ZZEF1: variants seen among roughly 807,000 people sequenced by gnomAD.
The protein encoded by ZZEF1 is zinc finger ZZ-type and EF-hand domain-containing protein 1.
Under a neutral mutation model 342.8 loss-of-function variants are expected in ZZEF1, and 157 were observed. That is an observed-to-expected ratio of 0.46 (90% CI 0.40 to 0.52). ZZEF1 has a LOEUF of 0.52. ZZEF1 is among the 20% of genes least tolerant of loss of function. The pLI is 0.00. For synonymous variants in ZZEF1, 1,505 were observed against 1,429.1 expected (o/e 1.05, Z -1.20); for missense variants, 3,480 against 3,725.6 (o/e 0.93, Z 1.72).
chr17:4,119,067 G>A (rs1378184932), intron 2 of ZZEF1, among the ~76,000 whole-genome samples: 8 of 152,330 alleles, frequency 5.3e-5, no homozygotes, highest in Non-Finnish European at 1.2e-4. Flanking sequence ...GTCAGCTGAA[G>A]GCAAATTGCT....
At chr17:4,066,586 A>G in intron 27 of ZZEF1, 46 bp from the exon 28 acceptor site, 1 of 1,556,566 alleles carries the variant, frequency 6.4e-7, no homozygotes, top group Admixed American at 1.7e-5. Flanking sequence ...CAGGCAGGGA[A>G]GCAAGGACAG....
intron 39 of ZZEF1, among the ~76,000 whole-genome samples, chr17:4,035,747 G>A (rs1483285233): frequency 6.6e-6 from 1 of 152,234 alleles, no homozygotes; most frequent in Non-Finnish European, 1.5e-5. Context: ...GTAGCAGCCT[G>A]TTGCGGGTGA....
intron 2 of ZZEF1, among the ~76,000 whole-genome samples, chr17:4,122,009 G>A (rs1291181419): frequency 6.6e-6 from 1 of 152,128 alleles, no homozygotes; most frequent in East Asian, 1.9e-4. Context: ...GAGCCACCAT[G>A]TCTGGCTGGA....
At chr17:4,121,312 C>T (rs753903244) in intron 2 of ZZEF1, among the ~76,000 whole-genome samples, 40 of 152,086 alleles carry the variant, frequency 2.6e-4, no homozygotes, top group African/African-American at 9.2e-4. Flanking sequence ...TATGTAAACG[C>T]TAAGATAAAA....
chr17:4,050,479 A>G (rs2057021089), intron 36 of ZZEF1, among the ~76,000 whole-genome samples: 2 of 152,224 alleles, frequency 1.3e-5, no homozygotes, highest in Non-Finnish European at 2.9e-5. Flanking sequence ...TTCTTTCAGC[A>G]AAGTTTGGTA....
At chr17:4,026,991 T>C (rs996081351) in intron 42 of ZZEF1, among the ~76,000 whole-genome samples, 3 of 152,186 alleles carry the variant, frequency 2.0e-5, no homozygotes, top group Non-Finnish European at 2.9e-5. Context: ...GCGCAGTTTT[T>C]CACGTCCCCC....
intron 38 of ZZEF1, among the ~76,000 whole-genome samples, chr17:4,043,118 C>T (rs1186220969): frequency 6.6e-6 from 1 of 152,224 alleles, no homozygotes; most frequent in Non-Finnish European, 1.5e-5. Flanking sequence ...TCCCCATCTC[C>T]CTGAGCCTGC....
chr17:4,024,282 C>A (rs896966165), intron 43 of ZZEF1, among the ~76,000 whole-genome samples: 8 of 144,026 alleles, frequency 5.6e-5, no homozygotes, highest in African/African-American at 2.0e-4. Context: ...ACTACAACCT[C>A]TGCCTCCCGG....
Position 4,017,050 on chromosome 17 carries a change from C to CGTGT in ZZEF1, c.8001+317_8001+320dup. ...GCCAAATGAACTTCCTCATGGACTG[C>CGTGT]GTGTGTGTGTGTGAAGGTGGGTGAG... On this transcript the variant is annotated intron_variant, in intron 48 of 54. Transcript: ENST00000381638. This position sits in a 1 kb window ranked among gnomAD's most constrained non-coding sequence, Gnocchi z 5.1. 3.2e-6 allele frequency: 1 copy of CGTGT among 309,798 alleles called. No individual in the cohort carries two copies. The highest frequency in any genetic ancestry group is 6.1e-6 in the Non-Finnish European group (1 of 163,036). The allele number at this position is 309,798 out of a possible 1,614,324, so 19.2% of individuals were successfully genotyped here. A position where few individuals can be genotyped will look rare whatever the true frequency, so the allele number is the denominator to read the frequency against.
At chr17:4,094,745 T>G (rs1015248424) in intron 11 of ZZEF1, among the ~76,000 whole-genome samples, 2 of 152,178 alleles carry the variant, frequency 1.3e-5, no homozygotes, top group African/African-American at 4.8e-5. Context: ...CTGCTCCACA[T>G]TCAGTCAATC....
intron 45 of ZZEF1, chr17:4,019,976 A>G: frequency 4.3e-6 from 2 of 462,424 alleles, no homozygotes; most frequent in South Asian, 7.2e-5. Flanking sequence ...TGTAACTTCA[A>G]AGGAAATTAT....
rs991725291 is a variant in ZZEF1 at position 4,109,781 on chromosome 17, T to G, written c.1149A>C (p.Arg383Ser). 1 of 1,614,158 alleles carries G rather than the reference T, an allele frequency of 6.2e-7. No homozygotes were observed. ...IHGLRAVGFQRVKKSGVSVSD... is the reference protein window; with the variant it reads ...IHGLRAVGFQSVKKSGVSVSD... Reference sequence around the variant, plus strand: ...AGACTGAGACCCCAGACTTCTTAACTCTCTGAAAGCCAACAGCCCTGAGAC... The same window carrying G: ...AGACTGAGACCCCAGACTTCTTAACGCTCTGAAAGCCAACAGCCCTGAGAC... Residue 383 changes from arginine (R) to serine (S), a missense_variant, in exon 6 of 55, where the codon AGA becomes AGC. Coordinates refer to ENST00000381638, the MANE Select transcript of ZZEF1 (RefSeq NM_015113.4).
chr17:4,130,049 ATAAC>A (rs1233314280), intron 1 of ZZEF1, among the ~76,000 whole-genome samples: 1 of 152,168 alleles, frequency 6.6e-6, no homozygotes, highest in Non-Finnish European at 1.5e-5. Context: ...ACCAGAAAAA[ATAAC>A]TATTGGGTGC....
At chr17:4,105,346 T>C (rs1597899118) in intron 7 of ZZEF1, among the ~76,000 whole-genome samples, 1 of 152,126 alleles carries the variant, frequency 6.6e-6, no homozygotes, top group East Asian at 1.9e-4. Flanking sequence ...CCCAGTTCTG[T>C]AGGTAATCAG....
At chr17:4,066,375 A>G in intron 28 of ZZEF1, 72 bp downstream of exon 28, 3 of 1,286,064 alleles carry the variant, frequency 2.3e-6, no homozygotes, top group Non-Finnish European at 3.4e-6. Flanking sequence ...CTAGAAGGTG[A>G]GTAATTGGTT....
chr17:4,076,598 G>C (rs971426245), intron 21 of ZZEF1, 39 bp downstream of exon 21: 48 of 1,587,824 alleles, frequency 3.0e-5, no homozygotes, highest in Non-Finnish European at 4.0e-5. Context: ...TCACTCCTGA[G>C]AGAGAACACG....
intron 1 of ZZEF1, among the ~76,000 whole-genome samples, chr17:4,133,720 T>C (rs1158967858): frequency 2.0e-5 from 3 of 146,454 alleles, no homozygotes; most frequent in African/African-American, 7.8e-5. Flanking sequence ...ATTTTTGCTA[T>C]CTTTTTTTTT....
In ZZEF1 at chr17:4,073,898, C is replaced by CA. The variant is rs367645774; in HGVS notation, c.3685+251dup. Among the ~76,000 whole-genome samples the CA allele has an allele frequency of 6.9e-3, 1,008 of 145,602 alleles. 14 individuals are homozygous for CA. Among genetic ancestry groups the CA allele is most frequent in the African/African-American group, 0.024 (943 of 39,992 alleles). Reference sequence around the variant, plus strand: ...ACTTGCAAAAAAATGACAATGTTGCCAAAAAAAAAAGCTGTTATCCTCCAT... The same window carrying CA: ...ACTTGCAAAAAAATGACAATGTTGCCAAAAAAAAAAAGCTGTTATCCTCCAT... On this transcript the variant is annotated intron_variant, in intron 24 of 54. Coordinates refer to ENST00000381638, the MANE Select transcript of ZZEF1 (RefSeq NM_015113.4).
chr17:4,033,696 T>C (rs2056599678), intron 40 of ZZEF1: 1 of 322,426 alleles, frequency 3.1e-6, no homozygotes, highest in East Asian at 6.2e-5. Context: ...GTTATGTTAC[T>C]TTTACAACGA....
Sources: allele counts gnomAD v4.1 joint callset (sites outside exome capture counted in the v4.1 genomes callset), GRCh38; gene constraint gnomAD v4.1.1; non-coding constraint Gnocchi (gnomAD v3.1); transcripts MANE v1.5; gene names NCBI Gene and HGNC (gene_info 2026-07-23, HGNC 2026-07-21).